Variants in IPO11 observed in about 807,000 individuals in gnomAD.
IPO11 encodes importin 11, also known as importin-11.
Under a neutral mutation model 143.2 loss-of-function variants are expected in IPO11, and 66 were observed. The ratio of observed to expected loss-of-function variants is 0.46; its 90% CI spans 0.38 to 0.57. The LOEUF is 0.57. Ranked by LOEUF, IPO11 falls within the 20% of genes least tolerant of loss-of-function variation. The pLI is 0.00. For synonymous variants in IPO11, 385 were observed against 377.8 expected (o/e 1.02, Z -0.22); for missense variants, 1,026 against 1,141.0 (o/e 0.90, Z 1.45).
chr5:62,560,746 C>T (rs1743742134), intron 26 of IPO11: 1 of 153,176 alleles, frequency 6.5e-6, no homozygotes, highest in Non-Finnish European at 1.5e-5. Context: ...GCAAATTAGT[C>T]TAGCAAATTA....
chr5:62,591,974 C>T (rs567056194), intron 28 of IPO11, among the ~76,000 whole-genome samples: 15 of 152,218 alleles, frequency 9.9e-5, no homozygotes, highest in Non-Finnish European at 2.2e-4. Flanking sequence ...CTTAGCTTCC[C>T]GAGTAGCTGA....
At chr5:62,548,571 G>C (rs1325362815) in intron 24 of IPO11, among the ~76,000 whole-genome samples, 2 of 152,126 alleles carry the variant, frequency 1.3e-5, no homozygotes, top group African/African-American at 2.4e-5. Context: ...GGCATCAGTT[G>C]TCCAGATACT....
intron 19 of IPO11, among the ~76,000 whole-genome samples, chr5:62,510,224 C>T (rs1741697694): frequency 6.6e-6 from 1 of 152,072 alleles, no homozygotes; most frequent in Admixed American, 6.5e-5. Context: ...TCCCTTAAAA[C>T]CTTTGTATTA....
In IPO11 at chr5:62,467,159, G is replaced by T. The variant is rs539851667; in HGVS notation, c.545G>T (p.Cys182Phe). Residue 182 changes from cysteine to phenylalanine, a missense_variant, in exon 6 of 30, where the codon TGC becomes TTC. This residue lies in a region of IPO11 where 429 missense variants were observed against 456.3 expected (regional missense o/e 0.94). Coordinates refer to ENST00000325324, the MANE Select transcript of IPO11 (RefSeq NM_016338.5). Reference sequence around the variant, plus strand: ...GCTTCTGGAATTTATAATTTTGCCTGCTCTCTGTGGAATCACCACACAGAC... The same window carrying T: ...GCTTCTGGAATTTATAATTTTGCCTTCTCTCTGTGGAATCACCACACAGAC... ...DLASGIYNFACSLWNHHTDTF... is the reference protein window; with the variant it reads ...DLASGIYNFAFSLWNHHTDTF... 1.2e-6 allele frequency: 2 copies of T among 1,609,082 alleles called. No individual in the cohort carries two copies. Among genetic ancestry groups the T allele is most frequent in the Non-Finnish European group, 1.7e-6 (2 of 1,178,892 alleles).
chr5:62,579,369 G>T (rs372935721), intron 27 of IPO11: 28 of 1,412,328 alleles, frequency 2.0e-5, no homozygotes, highest in East Asian at 2.5e-5. Flanking sequence ...TGAAGTTTTC[G>T]TGATTTAAAG....
In IPO11 at chr5:62,549,131, G is replaced by A. The variant is rs114931914; in HGVS notation, c.2251-1236G>A. On this transcript the variant is annotated intron_variant, in intron 24 of 29. Transcript: ENST00000325324. ...TGTTTTTTCAAAAAAGTAAACTTGA[G>A]ATAAAATTTTATTGTTTCAAATTTT... is the stretch of plus-strand genomic sequence containing the variant. Among the ~76,000 whole-genome samples the A allele has an allele frequency of 7.2e-3, 1,100 of 151,800 alleles. 14 individuals are homozygous for A. The highest frequency in any genetic ancestry group is 0.025 in the African/African-American group (1,036 of 41,374).
intron 29 of IPO11, among the ~76,000 whole-genome samples, chr5:62,624,713 G>A (rs899962895): frequency 4.6e-5 from 7 of 152,012 alleles, no homozygotes; most frequent in African/African-American, 9.7e-5. Context: ...GGCCGGGCAC[G>A]GTGGCTCAGG....
intron 26 of IPO11, 39 bp downstream of exon 26, chr5:62,551,375 C>A: frequency 9.3e-7 from 1 of 1,079,706 alleles, no homozygotes; most frequent in Non-Finnish European, 1.4e-6. Flanking sequence ...AAGTCTTTAT[C>A]TAAATATAAA....
intron 1 of IPO11, 141 bp downstream of exon 1, chr5:62,413,070 C>G (rs1466128266): frequency 1.3e-5 from 2 of 152,458 alleles, no homozygotes; most frequent in African/African-American, 2.4e-5. Flanking sequence ...GGCCTGCAGA[C>G]TTGGCTGTTT....
chr5:62,418,698 G>C (rs192098532), intron 1 of IPO11, among the ~76,000 whole-genome samples: 5 of 152,174 alleles, frequency 3.3e-5, no homozygotes, highest in Admixed American at 3.3e-4. Context: ...CTTTTATCTA[G>C]AGACCAGAGC....
chr5:62,417,123 T>A (rs1743322419), intron 1 of IPO11, among the ~76,000 whole-genome samples: 1 of 151,360 alleles, frequency 6.6e-6, no homozygotes, highest in Admixed American at 6.6e-5. Context: ...TTTCTTAGTT[T>A]TTTTTTTTCT....
chr5:62,511,832 AT>A (rs1741757439), intron 19 of IPO11, among the ~76,000 whole-genome samples: 1 of 149,836 alleles, frequency 6.7e-6, no homozygotes, highest in Admixed American at 6.6e-5. Flanking sequence ...CTTGAATAAA[AT>A]GGAAAGTTTC....
At chr5:62,456,558 G>C (rs980137625) in intron 5 of IPO11, among the ~76,000 whole-genome samples, 5 of 152,146 alleles carry the variant, frequency 3.3e-5, no homozygotes, top group Non-Finnish European at 7.3e-5. Flanking sequence ...CTAGGCTCAA[G>C]CAATCCTCTC....
chr5:62,624,458 A>G lies in IPO11; in HGVS notation c.2764-2696A>G, dbSNP rs577836478. Among the ~76,000 whole-genome samples, 14 of 129,048 alleles carry G rather than the reference A, an allele frequency of 1.1e-4. No individual in the cohort carries two copies. The East Asian group carries it at 2.7e-3, about 25-fold the overall frequency. 84.7% of individuals were successfully genotyped at this position (129,048 alleles called of 152,430 possible). On this transcript the variant is annotated intron_variant, in intron 29 of 29. Transcript: ENST00000325324. ...TGGTGGGATTGTCTTTTAGCATGCT[A>G]ATGCATTATAATTAACATGTAATGA...
chr5:62,428,375 A>G (rs1237195943), intron 1 of IPO11, among the ~76,000 whole-genome samples: 1 of 151,894 alleles, frequency 6.6e-6, no homozygotes, highest in East Asian at 1.9e-4. Context: ...GCGGAGTCTC[A>G]CTGTGTCGCC....
intron 27 of IPO11, chr5:62,579,840 T>C: frequency 6.5e-7 from 1 of 1,548,276 alleles, no homozygotes; most frequent in East Asian, 2.4e-5. Context: ...TTTTAAATCT[T>C]CGTAATTTAT....
intron 1 of IPO11, among the ~76,000 whole-genome samples, chr5:62,425,381 A>G (rs152204): frequency 0.61 from 92,603 of 152,078 alleles, 29,551 homozygotes; most frequent in African/African-American, 0.82. Context: ...ACAATGGTGC[A>G]ATCTCGGCTC....
At chr5:62,621,537 G>A (rs1203313102) in intron 29 of IPO11, among the ~76,000 whole-genome samples, 1 of 152,092 alleles carries the variant, frequency 6.6e-6, no homozygotes, top group Admixed American at 6.6e-5. Context: ...TCCGTTTTTC[G>A]GCCTTCAGGC....
chr5:62,496,014 GCGTGGTGACTCA>G (rs1198509198), intron 16 of IPO11, among the ~76,000 whole-genome samples: 1 of 152,152 alleles, frequency 6.6e-6, no homozygotes, highest in Admixed American at 6.5e-5. Context: ...TTTGTGGCAT[GCGTGGTGACTCA>G]CGCCTATAAT....
Sources: gnomAD v4.1 joint callset for allele counts (sites outside exome capture counted in the v4.1 genomes callset) on GRCh38, gnomAD v4.1.1 for gene constraint, gnomAD v4.1.1 regional missense constraint, MANE v1.5 for transcripts, NCBI Gene and HGNC (gene_info 2026-07-23, HGNC 2026-07-21) for gene names.